PIGH: variants seen among roughly 807,000 people sequenced by gnomAD.
The protein encoded by PIGH is phosphatidylinositol glycan anchor biosynthesis class H.
A neutral mutation model predicts 20.1 loss-of-function variants in PIGH; 11 were observed. The observed-to-expected ratio is 0.55, with a 90% CI of 0.34 to 0.91. The LOEUF is 0.91. Ranked by LOEUF, PIGH falls within the 40% of genes least tolerant of loss-of-function variation. The pLI is 0.02. For synonymous variants in PIGH, 72 were observed against 93.1 expected (o/e 0.77, Z 1.31); for missense variants, 189 against 233.6 (o/e 0.81, Z 1.24).
At chr14:67,593,444 T>C in intron 2 of PIGH, 1 of 324,894 alleles carries the variant, frequency 3.1e-6, no homozygotes, top group Non-Finnish European at 5.8e-6. Context: ...TGAGCTGTGA[T>C]CGAGCCACTG....
chr14:67,592,667 G>A lies in PIGH; in HGVS notation c.442C>T (p.His148Tyr), dbSNP rs767800686. Residue 148 changes from histidine (H) to tyrosine (Y), a missense_variant, in exon 3 of 4, where the codon CAT becomes TAT. His to Tyr is a moderately conservative substitution (Grantham distance 83). Transcript: ENST00000216452. ...CILLKDPVEP[H>Y]GISQVVPVFQ... ...ACGGGTACTACTTGGGATATCCCAT[G>A]TGGTTCCACTGGATCTTTCAATAAG... The A allele has an allele frequency of 3.1e-6, 5 of 1,608,970 alleles. No homozygotes were observed. The Admixed American group carries it at 8.3e-5, about 27-fold the overall frequency.
At chr14:67,594,261 A>G (rs1252504549) in intron 1 of PIGH, among the ~76,000 whole-genome samples, 1 of 152,174 alleles carries the variant, frequency 6.6e-6, no homozygotes, top group Non-Finnish European at 1.5e-5. Flanking sequence ...AGGCAGGAGG[A>G]TCGTTTGAGC....
At chr14:67,599,916 A>T in intron 1 of PIGH, 108 bp downstream of exon 1, 1 of 860,434 alleles carries the variant, frequency 1.2e-6, no homozygotes, top group East Asian at 2.8e-5. Context: ...CTGTCCTATC[A>T]CTGTAGGAGG....
rs1566782743 is a variant in PIGH, at chr14:67,600,160, A to AGGC, written c.41_43dup (p.Arg14dup). On this transcript the variant is annotated inframe_insertion, in exon 1 of 4. Transcript: ENST00000216452. ...GGAGTAGTAGCGGCGCTGCAGCGCCAGGCGGCCGCCGCAGATATCCGAAAA... is the reference window on the plus strand; with the variant it reads ...GGAGTAGTAGCGGCGCTGCAGCGCCAGGCGGCGGCCGCCGCAGATATCCGAAAA... 6.3e-7 allele frequency: 1 copy of AGGC among 1,589,692 alleles called. No homozygotes were observed. The highest frequency in any genetic ancestry group is 1.1e-5 in the South Asian group (1 of 88,126).
Position 67,590,085 on chromosome 14 carries a change from G to A in PIGH, c.562C>T (p.Pro188Ser). ...LAHQKATSTS[P>S] ...GGCCTTCTGAACGCTGGGGCTCATG[G>A]GCTTGTTGATGTGGCTTTCTGGTGT... The change falls in exon 4 of 4, where the codon CCA becomes TCA. Residue 188 changes from proline (P) to serine (S), a missense_variant. Transcript: ENST00000216452. The A allele has an allele frequency of 8.4e-6, 13 of 1,550,356 alleles. No individual in the cohort carries two copies. Among genetic ancestry groups the A allele is most frequent in the Non-Finnish European group, 1.1e-5 (13 of 1,146,760 alleles).
intron 1 of PIGH, among the ~76,000 whole-genome samples, chr14:67,597,879 G>C (rs899867229): frequency 5.9e-5 from 9 of 152,042 alleles, no homozygotes; most frequent in Non-Finnish European, 1.2e-4. Flanking sequence ...AAAGGGAAGG[G>C]GGAAGAACAT....
At chr14:67,593,717 G>A (rs377399066) in intron 2 of PIGH, 26 bp downstream of exon 2, 10 of 1,459,400 alleles carry the variant, frequency 6.9e-6, no homozygotes, top group Non-Finnish European at 9.6e-6. Context: ...AGAGAGGCCT[G>A]TAATACTTAC....
intron 1 of PIGH, 59 bp from the exon 2 acceptor site, chr14:67,594,011 G>T: frequency 1.8e-6 from 2 of 1,113,826 alleles, no homozygotes; most frequent in Non-Finnish European, 2.7e-6. Flanking sequence ...TCAACTCCAG[G>T]CAATGAGGGG....
At chr14:67,593,274 G>C (rs2036409665) in intron 2 of PIGH, 1 of 178,270 alleles carries the variant, frequency 5.6e-6, no homozygotes, top group Admixed American at 5.6e-5. Context: ...AGGATGGCTT[G>C]AGCCCAGGAA....
chr14:67,590,134 G>A lies in PIGH; in HGVS notation c.513C>T (p.Tyr171=). ...KPRLDCLIEV[Y]RSCQEILAHQ... Reference sequence around the variant, plus strand: ...GTGCCAGGATCTCCTGGCAGCTCCTGTATACTTCAATCAAGCAGTCCAGCC... The same window carrying A: ...GTGCCAGGATCTCCTGGCAGCTCCTATATACTTCAATCAAGCAGTCCAGCC... Residue 171 remains tyrosine, a synonymous_variant, in exon 4 of 4, where the codon TAC becomes TAT. Coordinates refer to ENST00000216452, the MANE Select transcript of PIGH (RefSeq NM_004569.5). The A allele has an allele frequency of 6.4e-7, 1 of 1,551,102 alleles. No homozygotes were observed.
chr14:67,596,112 CT>C (rs1317723954), intron 1 of PIGH, among the ~76,000 whole-genome samples: 1 of 151,734 alleles, frequency 6.6e-6, no homozygotes, highest in Non-Finnish European at 1.5e-5. Context: ...ATTGTTTTAT[CT>C]TTTTTCCCAG....
intron 2 of PIGH, 174 bp downstream of exon 2, chr14:67,593,569 G>C (rs1594808052): frequency 1.7e-6 from 1 of 573,602 alleles, no homozygotes; most frequent in East Asian, 2.8e-5. Flanking sequence ...TGAAGATAAA[G>C]TTGAAATGCT....
chr14:67,592,306 G>T, intron 3 of PIGH: 2 of 430,400 alleles, frequency 4.6e-6, no homozygotes, highest in Admixed American at 3.2e-5. Context: ...CAGGCGAGAT[G>T]GTGCACACCT....
At chr14:67,592,296 C>A (rs552411573) in intron 3 of PIGH, 181 of 419,528 alleles carry the variant, frequency 4.3e-4, no homozygotes, top group Non-Finnish European at 7.0e-4. Context: ...AAAAATTAGC[C>A]AGGCGAGATG....
At chr14:67,596,295 A>ATTTTTTT (rs772451900) in intron 1 of PIGH, among the ~76,000 whole-genome samples, 1,288 of 60,200 alleles carry the variant, frequency 0.021, 212 homozygotes, top group Middle Eastern at 0.042. Context: ...CGCCCAGCTA[A>ATTTTTTT]TTTTTTTTTT....
intron 1 of PIGH, among the ~76,000 whole-genome samples, chr14:67,594,290 A>G (rs184422721): frequency 6.6e-4 from 101 of 152,000 alleles, no homozygotes; most frequent in Admixed American, 1.4e-3. Context: ...TCGAGGCTGC[A>G]GTGAGCTATG....
At position 67,589,772 on chromosome 14, in the gene PIGH, C is replaced by T. The variant is rs2036313147; in HGVS notation, c.*308G>A. Reference sequence around the variant, plus strand: ...GCTTCACAAACATCAACAAAGTAAACCTGAACATGCTTAGCAATTTCCGAA... The same window carrying T: ...GCTTCACAAACATCAACAAAGTAAATCTGAACATGCTTAGCAATTTCCGAA... On this transcript the variant is annotated 3_prime_UTR_variant, in exon 4 of 4. Transcript: ENST00000216452. The T allele has an allele frequency of 9.4e-7, 1 of 1,059,916 alleles. No individual in the cohort carries two copies. Among genetic ancestry groups the T allele is most frequent in the South Asian group, 4.5e-5 (1 of 22,388 alleles). The allele number at this position is 1,059,916 out of a possible 1,614,324, so 65.7% of individuals were successfully genotyped here.
chr14:67,597,240 G>A (rs12890988), intron 1 of PIGH, among the ~76,000 whole-genome samples: 117,369 of 152,282 alleles, frequency 0.77, 45,527 homozygotes, highest in Middle Eastern at 0.84. Flanking sequence ...CACTTTGGGA[G>A]GCCAACATGG....
At position 67,598,835 on chromosome 14, in the gene PIGH, G is replaced by A. The variant is rs532371165; in HGVS notation, c.180+1189C>T. Among the ~76,000 whole-genome samples, 635 of 150,972 alleles carry A rather than the reference G, an allele frequency of 4.2e-3. 5 individuals carry two copies. Among genetic ancestry groups the A allele is most frequent in the African/African-American group, 0.015 (600 of 41,058 alleles). Reference sequence around the variant, plus strand: ...AGCGATTCTCCCGCCTGAGCCTTCCGAGTGGCTGAGACTACAAGCGTGCAC... The same window carrying A: ...AGCGATTCTCCCGCCTGAGCCTTCCAAGTGGCTGAGACTACAAGCGTGCAC... On this transcript the variant is annotated intron_variant, in intron 1 of 3. Transcript: ENST00000216452.
Sources: gnomAD v4.1 joint callset for allele counts (sites outside exome capture counted in the v4.1 genomes callset) on GRCh38, gnomAD v4.1.1 for gene constraint, MANE v1.5 for transcripts, NCBI Gene and HGNC (gene_info 2026-07-23, HGNC 2026-07-21) for gene names.